The following COQ8A variants were observed in gnomAD, a reference collection of about 807,000 sequenced individuals.
The protein encoded by COQ8A is coenzyme Q8A, also known as atypical kinase COQ8A, mitochondrial.
COQ8A carries 51 observed loss-of-function variants against 65.0 expected under a neutral mutation model. The observed-to-expected ratio is 0.78, with a 90% CI of 0.63 to 0.99. COQ8A has a LOEUF of 0.99. Among genes scored for constraint, COQ8A ranks in the 50% least tolerant of loss-of-function variants. COQ8A has a pLI of 0.00. For missense variants in COQ8A, 940 were observed against 875.0 expected (o/e 1.07, Z -0.94); for synonymous variants, 371 against 353.2 (o/e 1.05, Z -0.57).
At chr1:226,962,999 T>A (rs1035153930) in intron 2 of COQ8A, among the ~76,000 whole-genome samples, 1 of 152,182 alleles carries the variant, frequency 6.6e-6, no homozygotes, top group African/African-American at 2.4e-5. Flanking sequence ...TCGGCCTCGC[T>A]CTTGGGTGTT....
At chr1:226,981,104 A>C (rs988346570) in intron 5 of COQ8A, among the ~76,000 whole-genome samples, 2 of 152,246 alleles carry the variant, frequency 1.3e-5, no homozygotes, top group African/African-American at 4.8e-5. Context: ...AGAAGCTCCG[A>C]ATGTCACAAG....
Position 226,984,930 on chromosome 1 carries a change from C to T in COQ8A, c.1561C>T (p.Leu521Phe), listed in dbSNP as rs745724703. 1.2e-6 allele frequency: 2 copies of T among 1,613,862 alleles called. No individual in the cohort carries two copies. Among genetic ancestry groups the T allele is most frequent in the Admixed American group, 1.7e-5 (1 of 59,996 alleles). The part of the protein sequence containing the change: ...TREYDRSFTD[L>F]YIQIIRAAAD... ...GGAATATGACAGATCCTTCACCGACCTCTACATTCAGGTAACTGGAGAGGG... is the reference window on the plus strand; with the variant it reads ...GGAATATGACAGATCCTTCACCGACTTCTACATTCAGGTAACTGGAGAGGG... The change falls in exon 13 of 15, where the codon CTC (leucine) becomes TTC (phenylalanine). Residue 521 changes from leucine (L) to phenylalanine (F), a missense_variant. Physicochemically the swap from Leu to Phe is conservative, Grantham distance 22. Coordinates refer to ENST00000366777, the MANE Select transcript of COQ8A (RefSeq NM_020247.5).
intron 14 of COQ8A, among the ~76,000 whole-genome samples, chr1:226,985,688 G>T (rs1024088104): frequency 2.0e-5 from 3 of 152,220 alleles, no homozygotes; most frequent in Non-Finnish European, 4.4e-5. Context: ...GGGGGGAGTT[G>T]GAAGAAACCT....
intron 1 of COQ8A, among the ~76,000 whole-genome samples, chr1:226,947,506 A>G (rs559792081): frequency 6.6e-6 from 1 of 152,308 alleles, no homozygotes; most frequent in Admixed American, 6.5e-5. Context: ...GTTTTGAAAG[A>G]TTAAGAATAT....
At chr1:226,950,397 A>G (rs549073584) in intron 1 of COQ8A, among the ~76,000 whole-genome samples, 3 of 152,102 alleles carry the variant, frequency 2.0e-5, no homozygotes, top group Admixed American at 2.0e-4. Context: ...TCAAAAACAC[A>G]CTGTTTTGCT....
At chr1:226,976,463 C>CG (rs1370831651) in intron 4 of COQ8A, among the ~76,000 whole-genome samples, 1 of 151,978 alleles carries the variant, frequency 6.6e-6, no homozygotes, top group Admixed American at 6.6e-5. Context: ...TGCCCGGGTG[C>CG]GGGGTGCGGG....
At chr1:226,979,640 C>A (rs1214112087) in intron 5 of COQ8A, among the ~76,000 whole-genome samples, 4 of 152,180 alleles carry the variant, frequency 2.6e-5, no homozygotes, top group African/African-American at 9.6e-5. Flanking sequence ...TGTCTTCCAG[C>A]CTGGGCTAGC....
intron 1 of COQ8A, among the ~76,000 whole-genome samples, chr1:226,953,202 G>A (rs549454012): frequency 2.1e-4 from 32 of 152,094 alleles, no homozygotes; most frequent in Non-Finnish European, 3.8e-4. Context: ...GATAACTTTC[G>A]TATTTTTAGT....
rs888520091 is a variant in COQ8A, at chr1:226,986,878, C to G, written c.*141C>G. On this transcript the variant is annotated 3_prime_UTR_variant, in exon 15 of 15. Coordinates refer to ENST00000366777, the MANE Select transcript of COQ8A (RefSeq NM_020247.5). The stretch of plus-strand genomic sequence containing the variant: ...TGGCTGCCTGGAGCCCCGTAGCCAG[C>G]GCTTTCCACGGTTTCTGTTGCTAAA... 8.9e-6 allele frequency: 9 copies of G among 1,013,896 alleles called. No homozygotes were observed. Among genetic ancestry groups the G allele is most frequent in the Non-Finnish European group, 1.3e-5 (9 of 691,382 alleles). The allele number at this position is 1,013,896 out of a possible 1,614,324, so 62.8% of individuals were successfully genotyped here.
Position 226,957,408 on chromosome 1 carries a change from A to G in COQ8A, c.-9-3969A>G, listed in dbSNP as rs375667885. 2.6e-5 allele frequency among the ~76,000 whole-genome samples: 4 copies of G among 151,842 alleles called. No homozygotes were observed. The East Asian group carries it at 5.9e-4, about 22-fold the overall frequency. On this transcript the variant is annotated intron_variant, in intron 1 of 14. Transcript: ENST00000366777. ...GGCAGATATGACTGCAAGAGACTTCAGGACAGTGGGTCCTTGGCTTTTAGA... is the reference window on the plus strand; with the variant it reads ...GGCAGATATGACTGCAAGAGACTTCGGGACAGTGGGTCCTTGGCTTTTAGA...
intron 1 of COQ8A, among the ~76,000 whole-genome samples, chr1:226,954,320 C>A (rs1427797707): frequency 6.6e-6 from 1 of 152,268 alleles, no homozygotes; most frequent in African/African-American, 2.4e-5. Flanking sequence ...GGGGGAGACT[C>A]TTAGGAAAGG....
Position 226,983,827 on chromosome 1 carries a change from G to C in COQ8A, c.1229G>C (p.Arg410Pro), listed in dbSNP as rs763311061. 6 of 1,611,492 alleles carry C rather than the reference G, an allele frequency of 3.7e-6. No homozygotes were observed. In the Admixed American group the frequency reaches 8.3e-5, roughly 22 times the overall value. ...RELALECDYQ[R>P]EAACARKFRD... Reference sequence around the variant, plus strand: ...CTGGCCCTGGAGTGTGACTACCAGCGAGAGGCCGCCTGTGCCCGCAAGTTC... The same window carrying C: ...CTGGCCCTGGAGTGTGACTACCAGCCAGAGGCCGCCTGTGCCCGCAAGTTC... Residue 410 changes from arginine (R) to proline (P), a missense_variant, in exon 10 of 15, where the codon CGA becomes CCA. Arg to Pro is a moderately radical substitution (Grantham distance 103). Coordinates refer to ENST00000366777, the MANE Select transcript of COQ8A (RefSeq NM_020247.5).
Position 226,946,025 on chromosome 1 carries a change from C to T in COQ8A, c.-10+5626C>T, listed in dbSNP as rs925352703. ...GGTGGTCTCTTCAGTCCTGGGCTCT[C>T]GATGAGGGAGCTCAGGAAGCCACGG... On this transcript the variant is annotated intron_variant, in intron 1 of 14. Transcript: ENST00000366777. The surrounding 1 kb of genome is among the most constrained non-coding windows in gnomAD (Gnocchi z 5.3). Among the ~76,000 whole-genome samples, 5 of 152,284 alleles carry T rather than the reference C, an allele frequency of 3.3e-5. No individual in the cohort carries two copies. In the South Asian group the frequency reaches 1.0e-3, roughly 32 times the overall value.
At chr1:226,962,784 T>A (rs1279708845) in intron 2 of COQ8A, among the ~76,000 whole-genome samples, 1 of 152,214 alleles carries the variant, frequency 6.6e-6, no homozygotes, top group African/African-American at 2.4e-5. Flanking sequence ...TCCTCACACC[T>A]GTGCTCTCCC....
At position 226,959,229 on chromosome 1, in the gene COQ8A, C is replaced by T. The variant is rs79615826; in HGVS notation, c.-9-2148C>T. Among the ~76,000 whole-genome samples the T allele has an allele frequency of 3.5e-3, 526 of 152,204 alleles. 3 individuals carry two copies. The highest frequency in any genetic ancestry group is 0.011 in the African/African-American group (473 of 41,522). On this transcript the variant is annotated intron_variant, in intron 1 of 14. Coordinates refer to ENST00000366777, the MANE Select transcript of COQ8A (RefSeq NM_020247.5). The stretch of plus-strand genomic sequence containing the variant: ...TCCCTCCTTTCTACTTCTGTGAGAG[C>T]GTAGACTCCCTTGCAGAAAAATACC...
At chr1:226,980,260 G>A (rs1399263681) in intron 5 of COQ8A, among the ~76,000 whole-genome samples, 2 of 152,244 alleles carry the variant, frequency 1.3e-5, no homozygotes, top group Non-Finnish European at 2.9e-5. Flanking sequence ...CATTCTCACA[G>A]CCAGCCCTGC....
At position 226,984,897 on chromosome 1, in the gene COQ8A, G is replaced by A; in HGVS notation, c.1528G>A (p.Ala510Thr). The A allele has an allele frequency of 6.2e-7, 1 of 1,614,194 alleles. No homozygotes were observed. Among genetic ancestry groups the A allele is most frequent in the South Asian group, 1.1e-5 (1 of 91,086 alleles). ...QHKVALLDFG[A>T]TREYDRSFTD... ...CCAGGTGGCTCTTTTGGATTTTGGG[G>A]CAACGCGGGAATATGACAGATCCTT... Residue 510 changes from alanine (A) to threonine (T), a missense_variant, in exon 13 of 15, where the codon GCA becomes ACA. Physicochemically the swap from Ala to Thr is moderately conservative, Grantham distance 58. Coordinates refer to ENST00000366777, the MANE Select transcript of COQ8A (RefSeq NM_020247.5).
rs1350705959 is a variant in COQ8A at position 226,984,927 on chromosome 1, G to A, written c.1558G>A (p.Asp520Asn). The change falls in exon 13 of 15, where the codon GAC becomes AAC. Residue 520 changes from aspartate to asparagine, a missense_variant. Physicochemically the swap from Asp to Asn is conservative, Grantham distance 23 (BLOSUM62 1). Coordinates refer to ENST00000366777, the MANE Select transcript of COQ8A (RefSeq NM_020247.5). ...ATREYDRSFT[D>N]LYIQIIRAAA... ...GCGGGAATATGACAGATCCTTCACC[G>A]ACCTCTACATTCAGGTAACTGGAGA... is the stretch of plus-strand genomic sequence containing the variant. 6 of 1,614,058 alleles carry A rather than the reference G, an allele frequency of 3.7e-6. No homozygotes were observed. Among genetic ancestry groups the A allele is most frequent in the African/African-American group, 1.3e-5 (1 of 74,926 alleles).
chr1:226,954,737 C>T (rs941599396), intron 1 of COQ8A, among the ~76,000 whole-genome samples: 5 of 152,234 alleles, frequency 3.3e-5, no homozygotes, highest in African/African-American at 9.6e-5. Flanking sequence ...GACCTGTCTG[C>T]TCAATCCTGA....
Sources: allele counts gnomAD v4.1 joint callset (sites outside exome capture counted in the v4.1 genomes callset), GRCh38; gene constraint gnomAD v4.1.1; non-coding constraint Gnocchi (gnomAD v3.1); transcripts MANE v1.5; gene names NCBI Gene and HGNC (gene_info 2026-07-23, HGNC 2026-07-21).